Variants in TMEM132D observed in about 807,000 individuals in gnomAD.
TMEM132D encodes mature OL transmembrane protein.
TMEM132D carries 21 observed loss-of-function variants against 62.3 expected under a neutral mutation model. The observed-to-expected ratio is 0.34, with a 90% CI of 0.24 to 0.49. The LOEUF (loss-of-function observed/expected upper bound fraction) is 0.49. TMEM132D is among the 20% of genes least tolerant of loss of function. The probability of loss-of-function intolerance (pLI) is 0.99; values close to 1 mark genes in which losing one functional copy is unlikely to be tolerated. For missense variants in TMEM132D, 1,346 were observed against 1,402.8 expected (o/e 0.96, Z 0.65); for synonymous variants, 621 against 575.6 (o/e 1.08, Z -1.13).
chr12:129,779,077 C>T lies in TMEM132D; in HGVS notation c.80-78379G>A, dbSNP rs1043466676. 1.4e-4 allele frequency among the ~76,000 whole-genome samples: 21 copies of T among 152,170 alleles called. No individual in the cohort carries two copies. Among genetic ancestry groups the T allele is most frequent in the Admixed American group, 2.0e-4 (3 of 15,276 alleles). On this transcript the variant is annotated intron_variant, in intron 1 of 8. Transcript: ENST00000422113. The surrounding 1 kb of genome is among the most constrained non-coding windows in gnomAD (Gnocchi z 4.1). ...GAGCCTGACCCCTTGCCTCTTTTTC[C>T]GTCAATGTCCTTACCATTCTCATAC...
At chr12:129,310,860 G>A (rs73148884) in intron 4 of TMEM132D, among the ~76,000 whole-genome samples, 5,213 of 152,204 alleles carry the variant, frequency 0.034, 275 homozygotes, top group East Asian at 0.25. Flanking sequence ...TCGTTGTCCC[G>A]AACAGACAGA....
chr12:129,480,204 A>C (rs1874386169), intron 3 of TMEM132D, among the ~76,000 whole-genome samples: 1 of 152,230 alleles, frequency 6.6e-6, no homozygotes. Context: ...TGTGCAAGGG[A>C]GAGGAAGAAG....
intron 1 of TMEM132D, among the ~76,000 whole-genome samples, chr12:129,893,719 A>C (rs1418290640): frequency 1.3e-5 from 2 of 152,202 alleles, no homozygotes; most frequent in Admixed American, 6.5e-5. Flanking sequence ...TTGCCAATGC[A>C]ATATGGTGAA....
chr12:129,155,685 G>A (rs917167861), intron 5 of TMEM132D, among the ~76,000 whole-genome samples: 3 of 152,306 alleles, frequency 2.0e-5, no homozygotes, highest in East Asian at 1.9e-4. Context: ...AGAGCAGGTG[G>A]GAGAGTAAGA....
intron 3 of TMEM132D, among the ~76,000 whole-genome samples, chr12:129,414,685 A>G (rs565060665): frequency 7.9e-4 from 120 of 152,324 alleles, no homozygotes; most frequent in African/African-American, 2.7e-3. Context: ...CTCTCTTAGC[A>G]TATTTTAATT....
At position 129,089,271 on chromosome 12, in the gene TMEM132D, A is replaced by T. The variant is rs867130099; in HGVS notation, c.1444-4569T>A. On this transcript the variant is annotated intron_variant, in intron 5 of 8. Transcript: ENST00000422113. ...TGACCGGGTGTCCTCCATGACCGGG[A>T]TGTCCTCCATGACCGGGTGTCCTCT... is the stretch of plus-strand genomic sequence containing the variant. 1.1e-4 allele frequency among the ~76,000 whole-genome samples: 2 copies of T among 18,180 alleles called. 1 individual carries two copies. Among genetic ancestry groups the T allele is most frequent in the South Asian group, 5.1e-3 (2 of 392 alleles). 11.9% of individuals were successfully genotyped at this position (18,180 alleles called of 152,430 possible).
chr12:129,607,155 A>G (rs1878650267), intron 2 of TMEM132D, among the ~76,000 whole-genome samples: 1 of 151,932 alleles, frequency 6.6e-6, no homozygotes, highest in Admixed American at 6.6e-5. Flanking sequence ...GAACTCACAG[A>G]ATGTGGCAAA....
intron 1 of TMEM132D, among the ~76,000 whole-genome samples, chr12:129,702,235 G>T (rs1208276757): frequency 6.6e-6 from 1 of 152,166 alleles, no homozygotes; most frequent in Non-Finnish European, 1.5e-5. Context: ...GCTTGTCTTG[G>T]ACTGAACCAT....
At chr12:129,884,151 A>G (rs1874685643) in intron 1 of TMEM132D, among the ~76,000 whole-genome samples, 1 of 152,174 alleles carries the variant, frequency 6.6e-6, no homozygotes, top group Non-Finnish European at 1.5e-5. Flanking sequence ...AAAATGACAC[A>G]ACTATTAAAC....
chr12:129,583,714 G>A (rs1877942120), intron 2 of TMEM132D, among the ~76,000 whole-genome samples: 1 of 152,212 alleles, frequency 6.6e-6, no homozygotes, highest in South Asian at 2.1e-4. Context: ...ACAGAGGAAT[G>A]AGGCGGGTCT....
At chr12:129,637,940 C>G (rs1879530573) in intron 2 of TMEM132D, among the ~76,000 whole-genome samples, 1 of 152,134 alleles carries the variant, frequency 6.6e-6, no homozygotes, top group Non-Finnish European at 1.5e-5. Flanking sequence ...AAATCCACCC[C>G]CATGATCCAA....
intron 1 of TMEM132D, among the ~76,000 whole-genome samples, chr12:129,711,067 T>TA (rs35001190): frequency 0.24 from 36,092 of 152,138 alleles, 5,304 homozygotes; most frequent in Middle Eastern, 0.34. Flanking sequence ...CAACCTCCAC[T>TA]AAAAAATCCC....
At position 129,348,714 on chromosome 12, in the gene TMEM132D, GTAAAA is replaced by G. The variant is rs543227090; in HGVS notation, c.1116-10902_1116-10898del. 4.4e-3 allele frequency among the ~76,000 whole-genome samples: 675 copies of G among 152,254 alleles called. 2 individuals are homozygous for G. The highest frequency in any genetic ancestry group is 6.0e-3 in the Non-Finnish European group (409 of 68,028). On this transcript the variant is annotated intron_variant, in intron 3 of 8. Coordinates refer to ENST00000422113, the MANE Select transcript of TMEM132D (RefSeq NM_133448.3). Reference sequence around the variant, plus strand: ...CTGCACATGTATCCCAGAACTTAAAGTAAAATAAAATAAAATAAAGAAAAGAAAAC... The same window carrying G: ...CTGCACATGTATCCCAGAACTTAAAGTAAAATAAAATAAAGAAAAGAAAAC...
intron 3 of TMEM132D, among the ~76,000 whole-genome samples, chr12:129,405,038 T>C (rs1871740135): frequency 6.6e-6 from 1 of 152,212 alleles, no homozygotes; most frequent in Non-Finnish European, 1.5e-5. Context: ...CCTCCATGTA[T>C]ATCTTTCAAT....
intron 1 of TMEM132D, among the ~76,000 whole-genome samples, chr12:129,794,711 T>G (rs1047419090): frequency 6.6e-6 from 1 of 152,208 alleles, no homozygotes; most frequent in Non-Finnish European, 1.5e-5. Flanking sequence ...TGTGGATCAT[T>G]TATATTTTTA....
chr12:129,487,715 G>T (rs1206391756), intron 3 of TMEM132D, among the ~76,000 whole-genome samples: 1 of 151,760 alleles, frequency 6.6e-6, no homozygotes, highest in South Asian at 2.1e-4. Context: ...GGCGGATCAT[G>T]AGGTCAGGAG....
At chr12:129,513,964 A>T (rs1374548233) in intron 3 of TMEM132D, among the ~76,000 whole-genome samples, 1 of 150,606 alleles carries the variant, frequency 6.6e-6, no homozygotes, top group African/African-American at 2.4e-5. Context: ...CAGCCTCCCG[A>T]GTAGCTGGGA....
intron 2 of TMEM132D, among the ~76,000 whole-genome samples, chr12:129,680,146 T>C (rs1010001395): frequency 1.3e-5 from 2 of 152,262 alleles, no homozygotes; most frequent in African/African-American, 4.8e-5. Context: ...TGTGCCCATG[T>C]GCTGAGAAGG....
chr12:129,550,946 C>G (rs34035108), intron 2 of TMEM132D, among the ~76,000 whole-genome samples: 5 of 152,176 alleles, frequency 3.3e-5, no homozygotes, highest in African/African-American at 1.2e-4. Flanking sequence ...AGATCAGCCT[C>G]CACCATCCTC....
Sources: allele counts gnomAD v4.1 joint callset (sites outside exome capture counted in the v4.1 genomes callset), GRCh38; gene constraint gnomAD v4.1.1; non-coding constraint Gnocchi (gnomAD v3.1); transcripts MANE v1.5; gene names NCBI Gene and HGNC (gene_info 2026-07-23, HGNC 2026-07-21).